NEBL: variants seen among roughly 807,000 people sequenced by gnomAD.
NEBL encodes the protein nebulette.
NEBL carries 122 observed loss-of-function variants against 140.2 expected under a neutral mutation model. The observed-to-expected ratio is 0.87, with a 90% CI of 0.75 to 1.01. The LOEUF (loss-of-function observed/expected upper bound fraction) is 1.01, where lower values mean the gene tolerates loss of function less well. Among genes scored for constraint, NEBL ranks in the 50% least tolerant of loss-of-function variants. The pLI, the probability that NEBL is intolerant of heterozygous loss-of-function variation, is 0.00. For synonymous variants in NEBL, 436 were observed against 398.9 expected, an observed-to-expected ratio of 1.09 and a Z score of -1.11; for missense variants, 1,365 against 1,231.3, an observed-to-expected ratio of 1.11 and a Z score of -1.62.
chr10:20,991,264 C>CAA (rs373554716), intron 3 of NEBL, among the ~76,000 whole-genome samples: 2 of 145,610 alleles, frequency 1.4e-5, no homozygotes, highest in African/African-American at 5.0e-5. Flanking sequence ...GTCAAGCCCT[C>CAA]AAAAAAAAAA....
intron 15 of NEBL, 21 bp from the exon 16 acceptor site, chr10:20,831,327 C>T (rs553592764): frequency 1.3e-6 from 2 of 1,581,632 alleles, no homozygotes; most frequent in East Asian, 2.2e-5. Flanking sequence ...AGAAAATAAT[C>T]TTAGAGCTTT....
chr10:20,863,705 T>C (rs577489206), intron 7 of NEBL, among the ~76,000 whole-genome samples: 1 of 150,854 alleles, frequency 6.6e-6, no homozygotes, highest in Non-Finnish European at 1.5e-5. Flanking sequence ...TTTCCCATAA[T>C]AGTGGATCAA....
chr10:21,200,344 C>A (rs927769576), intron 3 of NEBL, among the ~76,000 whole-genome samples: 1 of 109,838 alleles, frequency 9.1e-6, no homozygotes, highest in Admixed American at 1.4e-4. Flanking sequence ...GATGGAGTCT[C>A]GCTCTGTCTT....
At chr10:21,218,667 A>T (rs2132242828) in intron 3 of NEBL, among the ~76,000 whole-genome samples, 1 of 152,324 alleles carries the variant, frequency 6.6e-6, no homozygotes, top group East Asian at 1.9e-4. Flanking sequence ...CAGATTAAAC[A>T]GGAGAAATGG....
chr10:21,127,586 G>A (rs1838900098), intron 2 of NEBL, among the ~76,000 whole-genome samples: 8 of 151,818 alleles, frequency 5.3e-5, no homozygotes, highest in Admixed American at 5.2e-4. Flanking sequence ...GAAAATTTGA[G>A]CCAGAATATT....
intron 3 of NEBL, among the ~76,000 whole-genome samples, chr10:21,214,790 T>A (rs1841968015): frequency 6.6e-6 from 1 of 152,172 alleles, no homozygotes; most frequent in African/African-American, 2.4e-5. Context: ...TAATTGAAGC[T>A]CCCAGAATTA....
intron 4 of NEBL, among the ~76,000 whole-genome samples, chr10:20,954,025 GA>G (rs200642113): frequency 0.39 from 48,854 of 125,094 alleles, 8,593 homozygotes; most frequent in South Asian, 0.45. Context: ...TCTTCTTAAG[GA>G]AAAAAAAAAA....
chr10:21,139,778 T>C (rs2132092633), intron 2 of NEBL, among the ~76,000 whole-genome samples: 1 of 152,196 alleles, frequency 6.6e-6, no homozygotes, highest in East Asian at 1.9e-4. Context: ...AATATAGAAA[T>C]GCCGAAGTCT....
chr10:21,082,037 G>T (rs1836389705), intron 2 of NEBL, among the ~76,000 whole-genome samples: 1 of 152,070 alleles, frequency 6.6e-6, no homozygotes, highest in Non-Finnish European at 1.5e-5. Context: ...CACCTGATAG[G>T]ATACCATGAA....
chr10:20,920,244 T>C (rs1316208648), intron 4 of NEBL, among the ~76,000 whole-genome samples: 3 of 152,216 alleles, frequency 2.0e-5, no homozygotes, highest in Non-Finnish European at 2.9e-5. Context: ...TGGCAATATC[T>C]AGCAAAATGA....
chr10:20,821,483 T>G (rs1257230993), intron 19 of NEBL, among the ~76,000 whole-genome samples: 1 of 152,190 alleles, frequency 6.6e-6, no homozygotes, highest in Non-Finnish European at 1.5e-5. Context: ...TTTCTCTATG[T>G]CATACCAGAT....
chr10:20,819,138 T>C (rs1839022752), intron 20 of NEBL: 2 of 909,328 alleles, frequency 2.2e-6, no homozygotes, highest in African/African-American at 1.7e-5. Flanking sequence ...TTATGGGAGT[T>C]TGTTGTACAG....
chr10:21,009,950 G>C (rs77627056), intron 3 of NEBL, among the ~76,000 whole-genome samples: 11 of 152,228 alleles, frequency 7.2e-5, no homozygotes, highest in African/African-American at 2.6e-4. Flanking sequence ...CAGGCTGCTG[G>C]TTACCCCTAG....
intron 2 of NEBL, among the ~76,000 whole-genome samples, chr10:21,072,940 G>T (rs981436654): frequency 6.6e-6 from 1 of 151,898 alleles, no homozygotes; most frequent in African/African-American, 2.4e-5. Flanking sequence ...GCAGTGAGTC[G>T]AGATCATGCC....
At chr10:20,885,493 A>G (rs762831637) in intron 4 of NEBL, among the ~76,000 whole-genome samples, 2 of 152,242 alleles carry the variant, frequency 1.3e-5, no homozygotes, top group Non-Finnish European at 2.9e-5. Context: ...ATAACATGCT[A>G]ACAATGTCAG....
chr10:21,201,876 A>T (rs993089383), intron 3 of NEBL, among the ~76,000 whole-genome samples: 22 of 152,232 alleles, frequency 1.4e-4, no homozygotes, highest in African/African-American at 5.1e-4. Flanking sequence ...CACAATTTTT[A>T]GGAATCAAAT....
At chr10:21,179,481 G>A (rs1034348338), upstream of NEBL, among the ~76,000 whole-genome samples, 9 of 141,130 alleles carry the variant, frequency 6.4e-5, no homozygotes, top group East Asian at 6.3e-4. Context: ...ATGACCCCCC[G>A]CTCCAGCCCC....
intron 1 of NEBL, among the ~76,000 whole-genome samples, chr10:21,284,434 C>G (rs1843031877): frequency 6.7e-6 from 1 of 148,302 alleles, no homozygotes; most frequent in African/African-American, 2.4e-5. Flanking sequence ...AATTACTCCT[C>G]CATTGATATG....
At chr10:21,234,493 C>G (rs913966254) in intron 3 of NEBL, among the ~76,000 whole-genome samples, 1 of 152,154 alleles carries the variant, frequency 6.6e-6, no homozygotes, top group Non-Finnish European at 1.5e-5. Context: ...GATGCCAACA[C>G]CATGCTTCCT....
Sources: gnomAD v4.1 joint callset for allele counts (sites outside exome capture counted in the v4.1 genomes callset) on GRCh38, gnomAD v4.1.1 for gene constraint, MANE v1.5 for transcripts, NCBI Gene and HGNC (gene_info 2026-07-23, HGNC 2026-07-21) for gene names.